The following PLD4 variants were observed in gnomAD, a reference collection of about 807,000 sequenced individuals.
PLD4 encodes 5'-3' exonuclease PLD4.
In PLD4, 54 loss-of-function variants were observed where a neutral mutation model predicts 52.3. That is an observed-to-expected ratio of 1.03 (90% CI 0.83 to 1.30). The LOEUF is 1.30. Among genes scored for constraint, PLD4 ranks in the 50% most tolerant of loss-of-function variants. The pLI is 0.00. For missense variants in PLD4, 731 were observed against 671.1 expected (o/e 1.09, Z -0.99); for synonymous variants, 264 against 286.5 (o/e 0.92, Z 0.79).
At chr14:104,935,459 A>T (rs1897785883), downstream of PLD4, 1 of 152,272 alleles carries the variant, frequency 6.6e-6, no homozygotes, top group African/African-American at 2.4e-5. Flanking sequence ...AGACCCCAGG[A>T]GGGTGCCACA....
At position 104,932,358 on chromosome 14, in the gene PLD4, G is replaced by A. The variant is rs753498497; in HGVS notation, c.1321+3G>A. On this transcript the variant is annotated splice_donor_region_variant and intron_variant, in intron 10 of 10. Coordinates refer to ENST00000392593, the MANE Select transcript of PLD4 (RefSeq NM_138790.5). The surrounding 1 kb of genome is among the most constrained non-coding windows in gnomAD (Gnocchi z 6.5). ...CACGGAGAAGGCAGCCTACATAGGT[G>A]AGCGCGATCAGATCACGGCGGGCGG... is the stretch of plus-strand genomic sequence containing the variant. The A allele has an allele frequency of 5.6e-6, 9 of 1,612,430 alleles. No homozygotes were observed. Among genetic ancestry groups the A allele is most frequent in the Non-Finnish European group, 7.6e-6 (9 of 1,179,700 alleles).
intron 2 of PLD4, 95 bp from the exon 3 acceptor site, chr14:104,927,578 A>G: frequency 7.4e-7 from 1 of 1,354,890 alleles, no homozygotes; most frequent in Non-Finnish European, 9.9e-7. Flanking sequence ...GGAAGTCAAG[A>G]CGGTCTCTGT....
Position 104,928,780 on chromosome 14 carries a change from C to G in PLD4, c.316C>G (p.Leu106Val), listed in dbSNP as rs773339825. ...LVLVESIPQD[L>V]PSAAGSPSAQ... ...CCTTGTGGAAAGCATCCCCCAGGACCTGCCATCTGCAGCCGGCAGCCCCTC... is the reference window on the plus strand; with the variant it reads ...CCTTGTGGAAAGCATCCCCCAGGACGTGCCATCTGCAGCCGGCAGCCCCTC... Residue 106 changes from leucine to valine, a missense_variant, in exon 4 of 11, where the codon CTG becomes GTG. Physicochemically the swap from Leu to Val is conservative, Grantham distance 32. Transcript: ENST00000392593. 8 of 1,603,604 alleles carry G rather than the reference C, an allele frequency of 5.0e-6. No homozygotes were observed. The Middle Eastern group carries it at 5.4e-4, about 108-fold the overall frequency.
chr14:104,931,048 G>T (rs1897628589), intron 7 of PLD4, 106 bp downstream of exon 7: 7 of 1,326,648 alleles, frequency 5.3e-6, no homozygotes, highest in Non-Finnish European at 7.4e-6. Context: ...AGCAGCATCA[G>T]CTGGGTCCTC....
intron 3 of PLD4, 106 bp from the exon 4 acceptor site, chr14:104,928,643 A>G: frequency 8.2e-7 from 1 of 1,226,478 alleles, no homozygotes; most frequent in Non-Finnish European, 1.1e-6. Context: ...CCCGGGGGCC[A>G]CCTGAGCAAC....
Position 104,933,028 on chromosome 14 carries a change from G to C in PLD4, c.*64G>C. On this transcript the variant is annotated 3_prime_UTR_variant, in exon 11 of 11. Transcript: ENST00000392593. Reference sequence around the variant, plus strand: ...GCGCCCTCCCCTCTGACCCCGGCCTGGGCTTCAGCCGCTTCCTCCCGCAAG... The same window carrying C: ...GCGCCCTCCCCTCTGACCCCGGCCTCGGCTTCAGCCGCTTCCTCCCGCAAG... 4.8e-6 allele frequency: 7 copies of C among 1,462,674 alleles called. No homozygotes were observed. The South Asian group carries it at 9.4e-5, about 20-fold the overall frequency. The allele number at this position is 1,462,674 out of a possible 1,614,324, so 90.6% of individuals were successfully genotyped here.
At chr14:104,930,588 CT>C in intron 6 of PLD4, 153 bp from the exon 7 acceptor site, 1 of 748,526 alleles carries the variant, frequency 1.3e-6, no homozygotes, top group East Asian at 2.6e-5. Flanking sequence ...CACCAGCACA[CT>C]CTATTACAGA....
chr14:104,937,610 G>A (rs1052823448), downstream of PLD4: 2 of 158,712 alleles, frequency 1.3e-5, no homozygotes, highest in African/African-American at 2.4e-5. Context: ...CACTCTGCCT[G>A]AAATAGGAAA....
At chr14:104,931,605 G>T in intron 7 of PLD4, 143 bp from the exon 8 acceptor site, 1 of 1,184,236 alleles carries the variant, frequency 8.4e-7, no homozygotes, top group Non-Finnish European at 1.1e-6. Flanking sequence ...CTGTTGAGCC[G>T]ACCCCTTCTT....
chr14:104,928,486 G>A lies in PLD4; in HGVS notation c.285-263G>A, dbSNP rs549394335. Among the ~76,000 whole-genome samples, 4 of 152,346 alleles carry A rather than the reference G, an allele frequency of 2.6e-5. No individual in the cohort carries two copies. In the South Asian group the frequency reaches 8.3e-4, roughly 32 times the overall value. ...AGGACCCCCCAGTCTAGCCTGCTCT[G>A]GACCAGGCAGCCCCTCTCAGGCTCC... On this transcript the variant is annotated intron_variant, in intron 3 of 10. Coordinates refer to ENST00000392593, the MANE Select transcript of PLD4 (RefSeq NM_138790.5).
At chr14:104,931,282 G>A (rs1005989680) in intron 7 of PLD4, among the ~76,000 whole-genome samples, 1 of 152,214 alleles carries the variant, frequency 6.6e-6, no homozygotes, top group Admixed American at 6.5e-5. Context: ...GGGCACTGGA[G>A]AGGGAGGGGA....
At chr14:104,937,244 C>G (rs928394329), downstream of PLD4, 3 of 152,280 alleles carry the variant, frequency 2.0e-5, no homozygotes, top group African/African-American at 7.2e-5. Context: ...ACCTCAGCAG[C>G]CTTCAGCATG....
downstream of PLD4, chr14:104,934,106 C>T (rs1278409911): frequency 2.9e-5 from 2 of 68,966 alleles, no homozygotes; most frequent in Non-Finnish European, 6.0e-5. Context: ...AGGGGACCCG[C>T]GGCTGAGGGG....
chr14:104,931,659 A>G (rs887641533), intron 7 of PLD4, 89 bp from the exon 8 acceptor site: 2 of 1,474,534 alleles, frequency 1.4e-6, no homozygotes, highest in Non-Finnish European at 1.8e-6. Flanking sequence ...TCCACACCAC[A>G]TGGGGCCTCT....
Position 104,925,814 on chromosome 14 carries a change from G to A in PLD4, c.-1+824G>A, listed in dbSNP as rs955980520. Among the ~76,000 whole-genome samples, 44 of 152,078 alleles carry A rather than the reference G, an allele frequency of 2.9e-4. 1 individual carries two copies. Among genetic ancestry groups the A allele is most frequent in the Middle Eastern group, 3.4e-3 (1 of 294 alleles). On this transcript the variant is annotated intron_variant, in intron 1 of 10. Transcript: ENST00000392593. ...AGAGTTCAGCTCTGGGGTGGGGGCG[G>A]CACCCACCCACCTCTGCAGGACCCC...
intron 4 of PLD4, 119 bp from the exon 5 acceptor site, chr14:104,929,188 C>T: frequency 1.4e-6 from 2 of 1,458,264 alleles, no homozygotes; most frequent in Non-Finnish European, 1.8e-6. Flanking sequence ...AGATACTTGA[C>T]CTGACCTTGA....
At chr14:104,929,679 G>A (rs1897577078) in intron 5 of PLD4, among the ~76,000 whole-genome samples, 3 of 152,202 alleles carry the variant, frequency 2.0e-5, no homozygotes, top group Admixed American at 6.5e-5. Flanking sequence ...GAGCCCTGCT[G>A]AGCCCAGCAG....
In PLD4 at chr14:104,932,941, C is replaced by T. The variant is rs767619564; in HGVS notation, c.1498C>T (p.Gln500Ter). The T allele has an allele frequency of 1.6e-5, 25 of 1,596,256 alleles. No homozygotes were observed. The highest frequency in any genetic ancestry group is 8.6e-5 in the Admixed American group (5 of 58,022). Residue 500 changes from glutamine to a stop codon, truncating the protein, a stop_gained, in exon 11 of 11, where the codon CAG becomes TAG. Transcript: ENST00000392593. LOFTEE classifies it high-confidence loss of function. The surrounding 1 kb of genome is among the most constrained non-coding windows in gnomAD (Gnocchi z 6.5). The stretch of plus-strand genomic sequence containing the variant: ...CGGCCTGGACGGACAGGCTCCGGGC[C>T]AGGACTGCGTTTGGCAGGGCTGAGG... Reference protein sequence around the residue: ...AVGLDGQAPGQDCVWQG With the variant: ...AVGLDGQAPG
At chr14:104,935,122 G>A (rs917494058), downstream of PLD4, 2 of 152,274 alleles carry the variant, frequency 1.3e-5, no homozygotes, top group Admixed American at 6.5e-5. Context: ...AAAAAGCTTC[G>A]TGGCAACACC....
Sources: gnomAD v4.1 joint callset for allele counts (sites outside exome capture counted in the v4.1 genomes callset) on GRCh38, gnomAD v4.1.1 for gene constraint, Gnocchi (gnomAD v3.1) non-coding constraint, MANE v1.5 for transcripts, NCBI Gene and HGNC (gene_info 2026-07-23, HGNC 2026-07-21) for gene names.